The following IQSEC1 variants were observed in gnomAD, a reference collection of about 807,000 sequenced individuals.
IQSEC1 encodes the protein IQ motif and SEC7 domain-containing protein 1.
Under a neutral mutation model 91.0 loss-of-function variants are expected in IQSEC1, and 31 were observed. That is an observed-to-expected ratio of 0.34 (90% confidence interval 0.26 to 0.46). IQSEC1 has a LOEUF of 0.46. IQSEC1 is among the 20% of genes least tolerant of loss of function. IQSEC1 has a pLI of 1.00. For missense variants in IQSEC1, 1,388 were observed against 1,575.6 expected (o/e 0.88, Z 2.02); for synonymous variants, 699 against 662.6 (o/e 1.05, Z -0.84).
chr3:13,052,841 G>T (rs1704739416), intron 1 of IQSEC1: 1 of 645,890 alleles, frequency 1.5e-6, no homozygotes, highest in Non-Finnish European at 2.8e-6. Flanking sequence ...TATTCAGAGA[G>T]AAAAATATAT....
Position 12,967,880 on chromosome 3 carries a change from A to C in IQSEC1, c.24-26015T>G, listed in dbSNP as rs977010410. Among the ~76,000 whole-genome samples, 38 of 122,038 alleles carry C rather than the reference A, an allele frequency of 3.1e-4. No homozygotes were observed. The highest frequency in any genetic ancestry group is 5.3e-4 in the Admixed American group (6 of 11,416). The allele number at this position is 122,038 out of a possible 152,430, so 80.1% of individuals were successfully genotyped here. On this transcript the variant is annotated intron_variant, in intron 1 of 13. Transcript: ENST00000613206. The surrounding 1 kb of genome is among the most constrained non-coding windows in gnomAD (Gnocchi z 5.9). Reference sequence around the variant, plus strand: ...GCGTGGCCACACGGCGCCGCGGAAGAAGCACAGGGGGCGGGGGGTCAGGGG... The same window carrying C: ...GCGTGGCCACACGGCGCCGCGGAAGCAGCACAGGGGGCGGGGGGTCAGGGG...
intron 1 of IQSEC1, 88 bp from the exon 2 acceptor site, chr3:12,941,953 C>T: frequency 8.0e-7 from 1 of 1,244,258 alleles, no homozygotes; most frequent in South Asian, 1.5e-5. Context: ...CACCATGCTC[C>T]TGGAGGAGCC....
intron 1 of IQSEC1, among the ~76,000 whole-genome samples, chr3:12,965,063 C>T (rs141265861): frequency 2.0e-5 from 3 of 152,282 alleles, no homozygotes; most frequent in East Asian, 1.9e-4. Context: ...CTCCAGAGGC[C>T]TCCATCACAA....
intron 1 of IQSEC1, among the ~76,000 whole-genome samples, chr3:13,277,925 C>T (rs947671577): frequency 7.9e-5 from 12 of 152,112 alleles, no homozygotes; most frequent in Admixed American, 1.3e-4. Context: ...AAGAACAACA[C>T]ACTTATCAGG....
chr3:12,949,421 C>A (rs983321925), intron 1 of IQSEC1, among the ~76,000 whole-genome samples: 5 of 152,268 alleles, frequency 3.3e-5, no homozygotes, highest in Non-Finnish European at 5.9e-5. Context: ...AATGTCCATG[C>A]CAGCAGCCTC....
rs569355327 is a variant in IQSEC1, at chr3:12,908,032, C to A, written c.2755+317G>T. 1.3e-5 allele frequency among the ~76,000 whole-genome samples: 2 copies of A among 152,304 alleles called. No homozygotes were observed. Among genetic ancestry groups the A allele is most frequent in the African/African-American group, 4.8e-5 (2 of 41,564 alleles). ...CACGGGACACAGCCGCCGGCTCACT[C>A]GGGCTAGAGCGACTTCCCAGATCAA... On this transcript the variant is annotated intron_variant, in intron 12 of 13. Coordinates refer to ENST00000613206, the MANE Select transcript of IQSEC1 (RefSeq NM_001134382.3). This position sits in a 1 kb window ranked among gnomAD's most constrained non-coding sequence, Gnocchi z 4.9.
At chr3:12,943,673 GCTCTGCTTCTGT>G (rs565508385) in intron 1 of IQSEC1, among the ~76,000 whole-genome samples, 90 of 152,318 alleles carry the variant, frequency 5.9e-4, no homozygotes, top group African/African-American at 2.1e-3. Context: ...GCCCTGTTCT[GCTCTGCTTCTGT>G]CTCTGCTGCT....
At chr3:13,172,178 T>C (rs1161233646) in intron 1 of IQSEC1, among the ~76,000 whole-genome samples, 2 of 152,180 alleles carry the variant, frequency 1.3e-5, no homozygotes, top group Admixed American at 6.5e-5. Flanking sequence ...CACTTTCTTC[T>C]TCCCTCCTTC....
intron 1 of IQSEC1, among the ~76,000 whole-genome samples, chr3:13,049,215 G>A (rs568950770): frequency 3.9e-4 from 60 of 152,296 alleles, no homozygotes; most frequent in African/African-American, 1.3e-3. Context: ...CAGCCTGGCC[G>A]CTCAGCTGCA....
chr3:13,269,779 T>C (rs908302873), intron 1 of IQSEC1, among the ~76,000 whole-genome samples: 2 of 152,246 alleles, frequency 1.3e-5, no homozygotes, highest in African/African-American at 2.4e-5. Flanking sequence ...GAGCCCAGTC[T>C]GAGCAAACCA....
intron 1 of IQSEC1, among the ~76,000 whole-genome samples, chr3:13,026,025 G>A (rs147406248): frequency 7.3e-4 from 111 of 152,314 alleles, no homozygotes; most frequent in Non-Finnish European, 1.5e-3. Context: ...CTCTGGGCCC[G>A]GGACTGCAGC....
intron 2 of IQSEC1, among the ~76,000 whole-genome samples, chr3:13,108,473 T>G (rs1706189701): frequency 6.6e-6 from 1 of 152,100 alleles, no homozygotes; most frequent in Non-Finnish European, 1.5e-5. Flanking sequence ...ACGTCCCATT[T>G]GTATCTCCAC....
intron 2 of IQSEC1, among the ~76,000 whole-genome samples, chr3:13,144,449 C>A (rs1203211498): frequency 6.6e-6 from 1 of 152,176 alleles, no homozygotes; most frequent in African/African-American, 2.4e-5. Flanking sequence ...CTTGTCCTGC[C>A]TTCACCACCT....
intron 1 of IQSEC1, among the ~76,000 whole-genome samples, chr3:12,952,089 C>T (rs1452489320): frequency 6.6e-6 from 1 of 152,172 alleles, no homozygotes; most frequent in African/African-American, 2.4e-5. Context: ...ACAGAAGTCA[C>T]CCCTACAGGG....
intron 1 of IQSEC1, among the ~76,000 whole-genome samples, chr3:13,219,330 T>C (rs1214736230): frequency 3.9e-5 from 6 of 152,182 alleles, no homozygotes; most frequent in Non-Finnish European, 8.8e-5. Context: ...TGGCCGCGGC[T>C]GCCCACACTG....
chr3:12,933,729 TC>T (rs1697915426), intron 3 of IQSEC1, among the ~76,000 whole-genome samples: 1 of 152,128 alleles, frequency 6.6e-6, no homozygotes, highest in Non-Finnish European at 1.5e-5. Flanking sequence ...TGTCTAGAGT[TC>T]CTAGAAGTGC....
chr3:12,943,202 G>A (rs1698915734), intron 1 of IQSEC1, among the ~76,000 whole-genome samples: 1 of 152,166 alleles, frequency 6.6e-6, no homozygotes, highest in African/African-American at 2.4e-5. Context: ...GTGGGACCCT[G>A]AGACCCAGTG....
At chr3:13,134,052 G>A (rs1427117209) in intron 2 of IQSEC1, among the ~76,000 whole-genome samples, 2 of 152,212 alleles carry the variant, frequency 1.3e-5, no homozygotes, top group Admixed American at 6.5e-5. Context: ...TTTCAAATAC[G>A]AAAATGGGTC....
intron 1 of IQSEC1, among the ~76,000 whole-genome samples, chr3:13,045,912 C>T (rs1353379070): frequency 2.6e-5 from 4 of 152,204 alleles, no homozygotes; most frequent in African/African-American, 9.7e-5. Context: ...ACATATGTGT[C>T]AAAATGGGGG....
Sources: gnomAD v4.1 joint callset for allele counts (sites outside exome capture counted in the v4.1 genomes callset) on GRCh38, gnomAD v4.1.1 for gene constraint, Gnocchi (gnomAD v3.1) non-coding constraint, MANE v1.5 for transcripts, NCBI Gene and HGNC (gene_info 2026-07-23, HGNC 2026-07-21) for gene names.